Variants in LRRC37A2 observed in about 807,000 individuals in gnomAD.
LRRC37A2 encodes the protein leucine rich repeat containing 37 member A2.
In LRRC37A2, 9 loss-of-function variants were observed where a neutral mutation model predicts 68.8. That is an observed-to-expected ratio of 0.13 (90% CI 0.08 to 0.23). The LOEUF (loss-of-function observed/expected upper bound fraction) is 0.23, where lower values mean the gene tolerates loss of function less well. LRRC37A2 is among the 10% of genes least tolerant of loss of function. The pLI is 1.00. For synonymous variants in LRRC37A2, 63 were observed against 367.6 expected, an observed-to-expected ratio of 0.17 and a Z score of 9.48; for missense variants, 168 against 950.4, an observed-to-expected ratio of 0.18 and a Z score of 10.82.
At chr17:46,755,328 C>T in the LRRC37A2 span, 1 of 1,613,430 alleles carries the variant, frequency 6.2e-7, no homozygotes, top group Non-Finnish European at 8.5e-7. Flanking sequence ...ATCCTGAATA[C>T]CGTGTGAGAA....
the LRRC37A2 span, among the ~76,000 whole-genome samples, chr17:46,832,257 G>T: frequency 6.6e-6 from 1 of 152,182 alleles, no homozygotes; most frequent in Non-Finnish European, 1.5e-5. Context: ...CTCTCTGGGG[G>T]CCTTGACCCC....
chr17:46,940,627 G>GTCC, the LRRC37A2 span: 2 of 1,614,106 alleles, frequency 1.2e-6, no homozygotes, highest in Non-Finnish European at 1.7e-6. Flanking sequence ...ATTTGTTCTT[G>GTCC]AACTCTGGGA....
At chr17:46,823,160 T>A in the LRRC37A2 span, among the ~76,000 whole-genome samples, 178 of 130,372 alleles carry the variant, frequency 1.4e-3, 7 homozygotes, top group African/African-American at 4.1e-3. Context: ...ATTTATATAT[T>A]ATATATTATA....
chr17:46,734,988 C>T, the LRRC37A2 span, among the ~76,000 whole-genome samples: 4 of 152,140 alleles, frequency 2.6e-5, no homozygotes, highest in Admixed American at 2.6e-4. Flanking sequence ...GAGTTCAAGA[C>T]CGCAGGAAGC....
the LRRC37A2 span, among the ~76,000 whole-genome samples, chr17:46,716,001 A>G: frequency 6.6e-6 from 1 of 152,328 alleles, no homozygotes; most frequent in African/African-American, 2.4e-5. Context: ...CCTTGGGGGA[A>G]AAATATTATT....
At chr17:46,744,618 A>T in the LRRC37A2 span, among the ~76,000 whole-genome samples, 1 of 147,312 alleles carries the variant, frequency 6.8e-6, no homozygotes, top group African/African-American at 2.4e-5. Flanking sequence ...ATTTTTATTT[A>T]GGGAAAAAAA....
At chr17:46,935,494 T>G in the LRRC37A2 span, 5 of 1,342,108 alleles carry the variant, frequency 3.7e-6, no homozygotes, top group South Asian at 5.8e-5. Context: ...TTACAGAATC[T>G]ACTCTTGGAA....
chr17:46,945,718 T>C, the LRRC37A2 span, among the ~76,000 whole-genome samples: 4 of 152,104 alleles, frequency 2.6e-5, no homozygotes, highest in Non-Finnish European at 5.9e-5. Flanking sequence ...TGGCCTCCTC[T>C]AAGAGTTTCT....
chr17:47,002,478 C>T, the LRRC37A2 span, among the ~76,000 whole-genome samples: 4 of 151,946 alleles, frequency 2.6e-5, no homozygotes, highest in Admixed American at 2.6e-4. Context: ...GCAACCTCCG[C>T]CTCCTGGGTT....
At chr17:46,771,836 G>A in the LRRC37A2 span, among the ~76,000 whole-genome samples, 6 of 144,476 alleles carry the variant, frequency 4.2e-5, no homozygotes, top group East Asian at 1.0e-3. Context: ...CGGTGGGGGG[G>A]CGGTGCTCGG....
chr17:46,722,135 G>A, the LRRC37A2 span: 1 of 1,611,810 alleles, frequency 6.2e-7, no homozygotes, highest in Middle Eastern at 2.3e-4. Flanking sequence ...TCTCGCCATT[G>A]GGCTTCACGA....
chr17:46,966,441 G>A, the LRRC37A2 span: 2 of 602,398 alleles, frequency 3.3e-6, no homozygotes, highest in East Asian at 3.0e-5. Context: ...TTGACCTGCT[G>A]GGCTTAAGCA....
the LRRC37A2 span, among the ~76,000 whole-genome samples, chr17:46,891,805 G>A: frequency 6.6e-6 from 1 of 152,092 alleles, no homozygotes; most frequent in African/African-American, 2.4e-5. Context: ...GAACCCCAGA[G>A]CTTTCTTGGC....
chr17:46,930,839 T>C, the LRRC37A2 span: 1 of 412,356 alleles, frequency 2.4e-6, no homozygotes, highest in Non-Finnish European at 4.4e-6. Context: ...AGGAAATTTA[T>C]TTCTACAGAT....
chr17:46,812,265 G>A, the LRRC37A2 span, among the ~76,000 whole-genome samples: 1 of 152,342 alleles, frequency 6.6e-6, no homozygotes, highest in Middle Eastern at 3.4e-3. Flanking sequence ...CAAAGGGACA[G>A]GGAGGGCCTG....
chr17:46,879,782 C>T, the LRRC37A2 span, among the ~76,000 whole-genome samples: 7 of 152,232 alleles, frequency 4.6e-5, no homozygotes, highest in Non-Finnish European at 1.5e-5. Context: ...GGAAGCAGTT[C>T]CTTCCCAGGC....
At chr17:46,602,261 CAGAG>C in the LRRC37A2 span, among the ~76,000 whole-genome samples, 2 of 56,828 alleles carry the variant, frequency 3.5e-5, no homozygotes, top group Non-Finnish European at 3.1e-5. Context: ...AGAGTAGACA[CAGAG>C]AGCACTTCAA....
chr17:46,966,697 A>G, the LRRC37A2 span: 1 of 512,448 alleles, frequency 2.0e-6, no homozygotes, highest in Middle Eastern at 2.7e-4. Context: ...GGTTCTATCA[A>G]CTATTAGCTG....
chr17:46,732,520 A>C, the LRRC37A2 span, among the ~76,000 whole-genome samples: 1 of 152,150 alleles, frequency 6.6e-6, no homozygotes. Flanking sequence ...AATTTTTCTA[A>C]GTAAATGCAT....
Sources: gnomAD v4.1 joint callset for allele counts (sites outside exome capture counted in the v4.1 genomes callset) on GRCh38, gnomAD v4.1.1 for gene constraint, MANE v1.5 for transcripts, NCBI Gene and HGNC (gene_info 2026-07-23, HGNC 2026-07-21) for gene names.